The following PCDHGB1 variants were observed in gnomAD, a reference collection of about 807,000 sequenced individuals.
The protein encoded by PCDHGB1 is protocadherin gamma-B1.
Under a neutral mutation model 56.6 loss-of-function variants are expected in PCDHGB1, and 34 were observed. The observed-to-expected ratio is 0.60, with a 90% CI of 0.46 to 0.80. The LOEUF (loss-of-function observed/expected upper bound fraction) is 0.80. Ranked by LOEUF, PCDHGB1 falls within the 30% of genes least tolerant of loss-of-function variation. The pLI is 0.00. For synonymous variants in PCDHGB1, 561 were observed against 505.9 expected (o/e 1.11, Z -1.46); for missense variants, 1,278 against 1,204.6 (o/e 1.06, Z -0.90).
chr5:141,491,648 T>C lies in PCDHGB1; in HGVS notation c.2410-3159T>C. ...GTTCAGCAGCCCACAGCTCTGGCGC[T>C]GGAGCCTGACGCCATCCGGTCCCGC... On this transcript the variant is annotated intron_variant, in intron 1 of 3. Transcript: ENST00000523390. The surrounding 1 kb of genome is among the most constrained non-coding windows in gnomAD (Gnocchi z 6.9). 2 of 1,613,834 alleles carry C rather than the reference T, an allele frequency of 1.2e-6. No individual in the cohort carries two copies. Among genetic ancestry groups the C allele is most frequent in the South Asian group, 1.1e-5 (1 of 91,082 alleles).
intron 1 of PCDHGB1, chr5:141,398,756 T>C: frequency 1.9e-6 from 3 of 1,613,924 alleles, no homozygotes; most frequent in Non-Finnish European, 2.5e-6. Context: ...TACCATCGTT[T>C]AGTCCTGACT....
At chr5:141,410,393 C>G in intron 1 of PCDHGB1, 3 of 1,614,046 alleles carry the variant, frequency 1.9e-6, no homozygotes, top group Non-Finnish European at 2.5e-6. Flanking sequence ...CCATCCTGGT[C>G]TCTGTGTCAA....
intron 1 of PCDHGB1, chr5:141,378,176 C>A (rs541529562): frequency 6.6e-6 from 1 of 152,124 alleles, no homozygotes; most frequent in South Asian, 2.1e-4. Context: ...AACTAAGCAC[C>A]GATGCTGTGT....
intron 1 of PCDHGB1, chr5:141,371,317 A>G: frequency 1.9e-6 from 3 of 1,613,996 alleles, no homozygotes; most frequent in East Asian, 2.2e-5. Flanking sequence ...GGAGAACTGG[A>G]CTTTGAAGAG....
At position 141,490,289 on chromosome 5, in the gene PCDHGB1, T is replaced by C; in HGVS notation, c.2410-4518T>C. ...GATGTCAATGACAATGCCCCAGAGG[T>C]GCTATTGGCCTCTTTGGCCAACCCT... On this transcript the variant is annotated intron_variant, in intron 1 of 3. Transcript: ENST00000523390. This position sits in a 1 kb window ranked among gnomAD's most constrained non-coding sequence, Gnocchi z 5.4. The C allele has an allele frequency of 1.2e-6, 2 of 1,614,096 alleles. No homozygotes were observed. The highest frequency in any genetic ancestry group is 1.7e-6 in the Non-Finnish European group (2 of 1,180,016).
At chr5:141,375,812 C>T (rs1162133634) in intron 1 of PCDHGB1, 1 of 1,614,208 alleles carries the variant, frequency 6.2e-7, no homozygotes, top group Non-Finnish European at 8.5e-7. Context: ...TGGCGTGGAG[C>T]TGGCGCCCCG....
Position 141,476,708 on chromosome 5 carries a change from T to C in PCDHGB1, c.2410-18099T>C, listed in dbSNP as rs1205987380. The C allele has an allele frequency of 1.2e-6, 2 of 1,614,150 alleles. No homozygotes were observed. The highest frequency in any genetic ancestry group is 8.5e-7 in the Non-Finnish European group (1 of 1,180,024). ...CAGCACCAAGTACGCGGAGCTGGTG[T>C]TGGAGCGCGCCCTGGACCGAGAACG... On this transcript the variant is annotated intron_variant, in intron 1 of 3. Coordinates refer to ENST00000523390, the MANE Select transcript of PCDHGB1 (RefSeq NM_018922.3). The surrounding 1 kb of genome is among the most constrained non-coding windows in gnomAD (Gnocchi z 7.6).
intron 2 of PCDHGB1, among the ~76,000 whole-genome samples, chr5:141,501,620 T>G (rs1393018933): frequency 6.6e-6 from 1 of 152,090 alleles, no homozygotes; most frequent in Non-Finnish European, 1.5e-5. Context: ...GACTCTGGTA[T>G]AGTCTCTCAA....
Position 141,491,057 on chromosome 5 carries a change from CCTA to C in PCDHGB1, c.2410-3747_2410-3745del. On this transcript the variant is annotated intron_variant, in intron 1 of 3. Coordinates refer to ENST00000523390, the MANE Select transcript of PCDHGB1 (RefSeq NM_018922.3). The surrounding 1 kb of genome is among the most constrained non-coding windows in gnomAD (Gnocchi z 6.9). ...GATGCAGGCCACAATGCGTGGCTCTCCTACTCACTGTTGCCACAGTCCACAGCC... is the reference window on the plus strand; with the variant it reads ...GATGCAGGCCACAATGCGTGGCTCTCCTCACTGTTGCCACAGTCCACAGCC... 6.2e-7 allele frequency: 1 copy of C among 1,614,208 alleles called. No homozygotes were observed. The highest frequency in any genetic ancestry group is 8.5e-7 in the Non-Finnish European group (1 of 1,180,022).
chr5:141,390,041 C>T (rs373243233), intron 1 of PCDHGB1: 2 of 1,614,058 alleles, frequency 1.2e-6, no homozygotes, highest in Non-Finnish European at 1.7e-6. Context: ...CCTCCAGCCC[C>T]GCCTCCTGGA....
Position 141,366,194 on chromosome 5 carries a change from C to T in PCDHGB1, c.2409+13525C>T, listed in dbSNP as rs559944832. 5.0e-6 allele frequency: 8 copies of T among 1,613,936 alleles called. No homozygotes were observed. In the African/African-American group the frequency reaches 6.7e-5, roughly 13 times the overall value. On this transcript the variant is annotated intron_variant, in intron 1 of 3. Transcript: ENST00000523390. ...GCCAGGACTCTTTGCGGTTGGGCTG[C>T]ACACGGGCGAGGTGCGCACAGCGCG...
Position 141,397,950 on chromosome 5 carries a change from G to T in PCDHGB1, c.2409+45281G>T, listed in dbSNP as rs142142786. 7.7e-4 allele frequency: 722 copies of T among 938,408 alleles called. 6 individuals carry two copies. The African/African-American group carries it at 0.01, about 13-fold the overall frequency. 58.1% of individuals were successfully genotyped at this position (938,408 alleles called of 1,614,324 possible). A position where few individuals can be genotyped will look rare whatever the true frequency, so the allele number is the denominator to read the frequency against. On this transcript the variant is annotated intron_variant, in intron 1 of 3. Transcript: ENST00000523390. ...CAGCCGCAGCGCGCTTTCCAGGGCA[G>T]CCCCAGCTCAGACTCCCCAGCGCCG... is the stretch of plus-strand genomic sequence containing the variant.
At chr5:141,395,186 G>C in intron 1 of PCDHGB1, 1 of 1,614,086 alleles carries the variant, frequency 6.2e-7, no homozygotes, top group Non-Finnish European at 8.5e-7. Context: ...ATGATTCTTT[G>C]TTAACATCCG....
At chr5:141,406,346 G>C (rs1296474677) in intron 1 of PCDHGB1, among the ~76,000 whole-genome samples, 1 of 152,092 alleles carries the variant, frequency 6.6e-6, no homozygotes, top group Non-Finnish European at 1.5e-5. Flanking sequence ...ATTTATTCAG[G>C]TCATACTATG....
In PCDHGB1 at chr5:141,422,020, G is replaced by T. The variant is rs374562798; in HGVS notation, c.2409+69351G>T. The T allele has an allele frequency of 1.3e-5, 21 of 1,610,932 alleles. No individual in the cohort carries two copies. The East Asian group carries it at 3.8e-4, about 29-fold the overall frequency. On this transcript the variant is annotated intron_variant, in intron 1 of 3. Transcript: ENST00000523390. ...CAGCTCCGGAACTCGGGTGCTGATG[G>T]TTAATGCAACGGATCCAGACGAGGG...
chr5:141,408,287 C>G (rs2095075582), intron 1 of PCDHGB1: 1 of 1,613,354 alleles, frequency 6.2e-7, no homozygotes, highest in African/African-American at 1.3e-5. Flanking sequence ...CTACCCCACC[C>G]TGAGTGAGCC....
At position 141,486,190 on chromosome 5, in the gene PCDHGB1, T is replaced by A; in HGVS notation, c.2410-8617T>A. Reference sequence around the variant, plus strand: ...AGCAACATTGCAGCCTTCGAGTGGATCTGCTGGACGTAAATGACAATGCCC... The same window carrying A: ...AGCAACATTGCAGCCTTCGAGTGGAACTGCTGGACGTAAATGACAATGCCC... On this transcript the variant is annotated intron_variant, in intron 1 of 3. Transcript: ENST00000523390. The surrounding 1 kb of genome is among the most constrained non-coding windows in gnomAD (Gnocchi z 5.0). 1 of 1,614,122 alleles carries A rather than the reference T, an allele frequency of 6.2e-7. No individual in the cohort carries two copies. Among genetic ancestry groups the A allele is most frequent in the South Asian group, 1.1e-5 (1 of 91,070 alleles).
At chr5:141,492,008 G>A (rs1201433644) in intron 1 of PCDHGB1, 21 of 616,588 alleles carry the variant, frequency 3.4e-5, no homozygotes, top group Admixed American at 2.9e-4. Flanking sequence ...CGATTTCCGC[G>A]GGTGTCGGGG....
intron 1 of PCDHGB1, chr5:141,376,577 C>T (rs1231719593): frequency 6.3e-6 from 10 of 1,592,924 alleles, no homozygotes; most frequent in Admixed American, 1.7e-5. Flanking sequence ...CAGACAGGCT[C>T]ATCAGCTAGA....
Sources: allele counts gnomAD v4.1 joint callset (sites outside exome capture counted in the v4.1 genomes callset), GRCh38; gene constraint gnomAD v4.1.1; non-coding constraint Gnocchi (gnomAD v3.1); transcripts MANE v1.5; gene names NCBI Gene and HGNC (gene_info 2026-07-23, HGNC 2026-07-21).